The following BTBD16 variants were observed in gnomAD, a reference collection of about 807,000 sequenced individuals.
BTBD16 encodes BTB/POZ domain-containing protein 16.
A neutral mutation model predicts 67.4 loss-of-function variants in BTBD16; 66 were observed. The observed-to-expected ratio is 0.98, with a 90% confidence interval of 0.80 to 1.20. The LOEUF is 1.20. Ranked by LOEUF, BTBD16 falls within the 50% of genes most tolerant of loss-of-function variation. The pLI is 0.00. For missense variants in BTBD16, 634 were observed against 616.0 expected, an observed-to-expected ratio of 1.03 and a Z score of -0.31; for synonymous variants, 242 against 236.4, an observed-to-expected ratio of 1.02 and a Z score of -0.22.
Position 122,286,239 on chromosome 10 carries a change from C to CT in BTBD16, c.378dup (p.Leu127SerfsTer7). The CT allele has an allele frequency of 6.2e-7, 1 of 1,607,680 alleles. No individual in the cohort carries two copies. Among genetic ancestry groups the CT allele is most frequent in the African/African-American group, 1.3e-5 (1 of 74,860 alleles). ...ACACCCCCTGAGGGAGCTGGAGGAG[C>CT]TTCTGCGAGGTACTTCCTCCCTGGC... On this transcript the variant is annotated frameshift_variant, in exon 5 of 16. Coordinates refer to ENST00000260723, the MANE Select transcript of BTBD16 (RefSeq NM_144587.5). LOFTEE classifies it high-confidence loss of function.
chr10:122,295,433 G>C, intron 7 of BTBD16: 1 of 985,430 alleles, frequency 1.0e-6, no homozygotes, highest in Non-Finnish European at 1.2e-6. Context: ...GTAGCCACAT[G>C]AGCAGGTCTT....
intron 8 of BTBD16, 137 bp downstream of exon 8, chr10:122,297,974 A>G (rs2096386702): frequency 1.4e-6 from 1 of 736,902 alleles, no homozygotes; most frequent in African/African-American, 1.8e-5. Context: ...ATTTTGCCAC[A>G]TGAACACATT....
chr10:122,297,982 ATTTG>A, intron 8 of BTBD16, 145 bp downstream of exon 8: 1 of 690,858 alleles, frequency 1.4e-6, no homozygotes, highest in Non-Finnish European at 2.4e-6. Context: ...ACATGAACAC[ATTTG>A]TGTGTTTTTT....
chr10:122,308,746 G>T (rs1171222121), intron 10 of BTBD16, among the ~76,000 whole-genome samples: 1 of 152,160 alleles, frequency 6.6e-6, no homozygotes. Context: ...GGAGGACCTT[G>T]TGGCCCACTT....
chr10:122,275,154 G>T, intron 2 of BTBD16, 55 bp downstream of exon 2: 1 of 1,568,482 alleles, frequency 6.4e-7, no homozygotes, highest in South Asian at 1.1e-5. Context: ...ATTTGCTTAT[G>T]GTCATTTTGA....
chr10:122,282,289 C>T (rs1271955873), intron 3 of BTBD16, among the ~76,000 whole-genome samples: 2 of 152,164 alleles, frequency 1.3e-5, no homozygotes, highest in African/African-American at 2.4e-5. Context: ...CGAGGGGGAT[C>T]GAGGGAGGAA....
At chr10:122,329,362 C>T in intron 10 of BTBD16, 118 bp from the exon 11 acceptor site, 1 of 891,228 alleles carries the variant, frequency 1.1e-6, no homozygotes, top group East Asian at 2.5e-5. Context: ...GACCGAGGCC[C>T]CATCTCCCCC....
chr10:122,297,512 T>A (rs941062216), intron 7 of BTBD16, among the ~76,000 whole-genome samples: 7 of 152,230 alleles, frequency 4.6e-5, no homozygotes, highest in African/African-American at 1.7e-4. Context: ...TGAGCAATAA[T>A]CCTTGTTCCC....
chr10:122,332,640 C>A, intron 13 of BTBD16, 127 bp downstream of exon 13: 1 of 1,079,162 alleles, frequency 9.3e-7, no homozygotes, highest in Non-Finnish European at 1.3e-6. Context: ...AAGAGAGAAC[C>A]ACAGGTGTCT....
chr10:122,325,224 T>C (rs992265754), intron 10 of BTBD16, among the ~76,000 whole-genome samples: 5 of 152,160 alleles, frequency 3.3e-5, no homozygotes, highest in African/African-American at 1.2e-4. Flanking sequence ...AGGGACCAGG[T>C]CATTCATCCA....
intron 13 of BTBD16, among the ~76,000 whole-genome samples, chr10:122,333,526 C>T (rs561701966): frequency 1.3e-5 from 2 of 152,236 alleles, no homozygotes; most frequent in Admixed American, 6.5e-5. Context: ...CCTCCAGAAA[C>T]ACTGATTACC....
intron 13 of BTBD16, among the ~76,000 whole-genome samples, chr10:122,333,154 A>T (rs1311045863): frequency 6.6e-6 from 1 of 152,120 alleles, no homozygotes; most frequent in Admixed American, 6.5e-5. Context: ...CGTTTCAAGA[A>T]CTAGGGGTGC....
intron 7 of BTBD16, 143 bp from the exon 8 acceptor site, chr10:122,297,625 C>A: frequency 1.2e-6 from 1 of 826,542 alleles, no homozygotes; most frequent in Non-Finnish European, 2.0e-6. Context: ...GTCCTCTGGC[C>A]AAATGTCCAT....
intron 7 of BTBD16, chr10:122,294,025 T>A: frequency 1.5e-6 from 1 of 649,340 alleles, no homozygotes; most frequent in South Asian, 6.8e-5. Flanking sequence ...TTGCAGCTAA[T>A]GAGCCAAACC....
In BTBD16 at chr10:122,297,742, C is replaced by T. The variant is rs200521329; in HGVS notation, c.591-26C>T. On this transcript the variant is annotated intron_variant, in intron 7 of 15. Transcript: ENST00000260723. The stretch of plus-strand genomic sequence containing the variant: ...CTCCAAAAGCAGTGTGGGGTTCCTC[C>T]AGAAACTGCAGTTCTCTCTCTCCAG... 9 of 1,613,392 alleles carry T rather than the reference C, an allele frequency of 5.6e-6. No individual in the cohort carries two copies. In the East Asian group the frequency reaches 2.0e-4, roughly 36 times the overall value.
intron 3 of BTBD16, among the ~76,000 whole-genome samples, chr10:122,282,533 C>T (rs1026603276): frequency 6.6e-6 from 1 of 152,234 alleles, no homozygotes; most frequent in African/African-American, 2.4e-5. Context: ...CTGCATGACA[C>T]AGAGCAGCTG....
intron 7 of BTBD16, among the ~76,000 whole-genome samples, chr10:122,296,952 G>A (rs138350816): frequency 2.0e-5 from 3 of 152,222 alleles, no homozygotes; most frequent in Non-Finnish European, 4.4e-5. Context: ...TGCACATGCT[G>A]TTTCCGCTTC....
intron 2 of BTBD16, among the ~76,000 whole-genome samples, chr10:122,275,448 T>C (rs1223019670): frequency 6.6e-6 from 1 of 152,202 alleles, no homozygotes; most frequent in Non-Finnish European, 1.5e-5. Flanking sequence ...GGAAACAAGA[T>C]GATATCCCCA....
intron 9 of BTBD16, among the ~76,000 whole-genome samples, chr10:122,305,534 C>T (rs746808226): frequency 5.9e-5 from 9 of 152,196 alleles, no homozygotes; most frequent in Non-Finnish European, 1.2e-4. Flanking sequence ...TCCCCCTTTA[C>T]CTTCTGCCAA....
Sources: gnomAD v4.1 joint callset for allele counts (sites outside exome capture counted in the v4.1 genomes callset) on GRCh38, gnomAD v4.1.1 for gene constraint, MANE v1.5 for transcripts, NCBI Gene and HGNC (gene_info 2026-07-23, HGNC 2026-07-21) for gene names.